ABCC1: variants seen among roughly 807,000 people sequenced by gnomAD.
ABCC1 encodes multidrug resistance-associated protein 1.
Under a neutral mutation model 172.9 loss-of-function variants are expected in ABCC1, and 83 were observed. The ratio of observed to expected loss-of-function variants is 0.48; its 90% confidence interval spans 0.40 to 0.58. The LOEUF (loss-of-function observed/expected upper bound fraction) is 0.58, where lower values mean the gene tolerates loss of function less well. Ranked by LOEUF, ABCC1 falls within the 20% of genes least tolerant of loss-of-function variation. The pLI is 0.00. For missense variants in ABCC1, 1,817 were observed against 2,002.7 expected, an observed-to-expected ratio of 0.91 and a Z score of 1.77; for synonymous variants, 937 against 825.2, an observed-to-expected ratio of 1.14 and a Z score of -2.32.
intron 5 of ABCC1, among the ~76,000 whole-genome samples, chr16:16,019,695 G>C (rs1448633748): frequency 6.6e-6 from 1 of 152,184 alleles, no homozygotes; most frequent in East Asian, 1.9e-4. Flanking sequence ...GTGACTCACA[G>C]ATCTGACTTG....
chr16:16,134,527 C>A lies in ABCC1; in HGVS notation c.4125+19C>A, dbSNP rs114348665. The A allele has an allele frequency of 1.2e-4, 191 of 1,613,474 alleles. No individual in the cohort carries two copies. The African/African-American group carries it at 2.3e-3, about 20-fold the overall frequency. On this transcript the variant is annotated intron_variant, in intron 28 of 30. Transcript: ENST00000399410. Reference sequence around the variant, plus strand: ...CCCCCAGGTGGGGTCTGGGTGTGGCCCAGGGGGTGAGCCAGAGCTGGCAAG... The same window carrying A: ...CCCCCAGGTGGGGTCTGGGTGTGGCACAGGGGGTGAGCCAGAGCTGGCAAG...
chr16:15,981,090 G>C (rs890318571), intron 1 of ABCC1, among the ~76,000 whole-genome samples: 1 of 152,214 alleles, frequency 6.6e-6, no homozygotes, highest in Admixed American at 6.5e-5. Flanking sequence ...ATGCTTATGC[G>C]AGAGGTGGGC....
chr16:16,083,688 CA>C, intron 17 of ABCC1, 146 bp downstream of exon 17: 1 of 1,046,156 alleles, frequency 9.6e-7, no homozygotes, highest in East Asian at 2.5e-5. Context: ...CGCTGCAGGC[CA>C]GCTGAACTTG....
chr16:16,108,352 C>T (rs2052232781), intron 21 of ABCC1, among the ~76,000 whole-genome samples: 1 of 146,744 alleles, frequency 6.8e-6, no homozygotes, highest in African/African-American at 2.5e-5. Flanking sequence ...CTCACCGCAA[C>T]CTCCGCCTCC....
rs144958911 is a variant in ABCC1 at position 16,058,854 on chromosome 16, C to T, written c.1677+2559C>T. 4.8e-3 allele frequency among the ~76,000 whole-genome samples: 734 copies of T among 152,260 alleles called. 10 individuals carry two copies. The highest frequency in any genetic ancestry group is 0.017 in the African/African-American group (708 of 41,548). On this transcript the variant is annotated intron_variant, in intron 12 of 30. Transcript: ENST00000399410. The stretch of plus-strand genomic sequence containing the variant: ...TCTTTAGTGTAGAGATGGTGTTTCA[C>T]CATGTTGGCCAGGCTGGTCTCGAAC...
intron 5 of ABCC1, among the ~76,000 whole-genome samples, chr16:16,030,481 C>T (rs1363876426): frequency 6.6e-6 from 1 of 152,082 alleles, no homozygotes; most frequent in Non-Finnish European, 1.5e-5. Flanking sequence ...GCCAAGATCA[C>T]GCCACTGGAC....
chr16:16,060,296 C>T (rs1415202453), intron 12 of ABCC1, among the ~76,000 whole-genome samples: 2 of 152,196 alleles, frequency 1.3e-5, no homozygotes, highest in South Asian at 2.1e-4. Context: ...CAGACACCCA[C>T]AGTCACTCAT....
At chr16:16,076,200 A>G (rs1031082884) in intron 14 of ABCC1, 126 bp from the exon 15 acceptor site, 5 of 885,896 alleles carry the variant, frequency 5.6e-6, no homozygotes, top group African/African-American at 1.7e-5. Context: ...GTCACCAGAT[A>G]ATAATGCCTA....
Position 16,108,273 on chromosome 16 carries a change from CTTTTTTTTTT to C in ABCC1, c.2871+1415_2871+1424del, listed in dbSNP as rs79826916. ...CAACACGCTTATCGTTTCTTTGTGT[CTTTTTTTTTT>C]TTTTTTTTTTTTTTGAGACGAAGTC... is the stretch of plus-strand genomic sequence containing the variant. On this transcript the variant is annotated intron_variant, in intron 21 of 30. Transcript: ENST00000399410. 5.9e-4 allele frequency among the ~76,000 whole-genome samples: 63 copies of C among 106,322 alleles called. 2 individuals are homozygous for C. The highest frequency in any genetic ancestry group is 9.3e-4 in the East Asian group (3 of 3,214). 69.8% of individuals were successfully genotyped at this position (106,322 alleles called of 152,430 possible).
intron 1 of ABCC1, among the ~76,000 whole-genome samples, chr16:16,006,165 T>TAA (rs201181555): frequency 0.017 from 2,604 of 152,246 alleles, 31 homozygotes; most frequent in Middle Eastern, 0.082. Flanking sequence ...TTTATCCGAT[T>TAA]GAATTGTGGT....
chr16:15,956,568 C>T (rs2046002808), intron 1 of ABCC1, among the ~76,000 whole-genome samples: 1 of 152,044 alleles, frequency 6.6e-6, no homozygotes, highest in Non-Finnish European at 1.5e-5. Flanking sequence ...AACTCCTGGC[C>T]TCAAGCTATT....
intron 12 of ABCC1, among the ~76,000 whole-genome samples, chr16:16,059,131 C>T (rs968464759): frequency 5.3e-5 from 8 of 152,280 alleles, no homozygotes; most frequent in African/African-American, 1.9e-4. Flanking sequence ...AAGTCTGGTC[C>T]GTGGACCAGC....
chr16:16,040,156 CATG>C (rs2048921710), intron 7 of ABCC1, among the ~76,000 whole-genome samples: 1 of 151,956 alleles, frequency 6.6e-6, no homozygotes, highest in African/African-American at 2.4e-5. Flanking sequence ...ATGGCAGTGG[CATG>C]ATAACAGCTC....
At chr16:15,984,448 C>CG (rs61396501) in intron 1 of ABCC1, among the ~76,000 whole-genome samples, 16 of 146,992 alleles carry the variant, frequency 1.1e-4, no homozygotes, top group African/African-American at 2.5e-4. Flanking sequence ...TTGATATATA[C>CG]TTTTTTTTTT....
chr16:16,069,738 AAAAAG>A (rs767172306), intron 13 of ABCC1, among the ~76,000 whole-genome samples: 28 of 152,222 alleles, frequency 1.8e-4, no homozygotes, highest in East Asian at 7.7e-4. Context: ...AAAAAGAAAA[AAAAAG>A]CCAAGCATGA....
At chr16:16,047,419 G>A (rs1321194339) in intron 9 of ABCC1, among the ~76,000 whole-genome samples, 1 of 152,094 alleles carries the variant, frequency 6.6e-6, no homozygotes, top group Non-Finnish European at 1.5e-5. Context: ...AGCCCACCAC[G>A]TAGCTGGGCC....
At chr16:16,071,253 T>A (rs2050336307) in intron 13 of ABCC1, among the ~76,000 whole-genome samples, 1 of 148,398 alleles carries the variant, frequency 6.7e-6, no homozygotes, top group Non-Finnish European at 1.5e-5. Context: ...CCAGGCTAAT[T>A]TTATGTATTT....
intron 13 of ABCC1, among the ~76,000 whole-genome samples, 198 bp downstream of exon 13, chr16:16,068,500 G>A (rs574589731): frequency 6.6e-6 from 1 of 152,322 alleles, no homozygotes; most frequent in South Asian, 2.1e-4. Flanking sequence ...CAGAGAACTC[G>A]CACTTGAGTA....
chr16:15,981,349 A>G (rs752443216), intron 1 of ABCC1, among the ~76,000 whole-genome samples: 7 of 152,178 alleles, frequency 4.6e-5, no homozygotes, highest in Non-Finnish European at 5.9e-5. Flanking sequence ...GCCCTAGCAG[A>G]GGTTCTCCAT....
Sources: allele counts gnomAD v4.1 joint callset (sites outside exome capture counted in the v4.1 genomes callset), GRCh38; gene constraint gnomAD v4.1.1; transcripts MANE v1.5; gene names NCBI Gene and HGNC (gene_info 2026-07-23, HGNC 2026-07-21).